The following C11orf68 variants were observed in gnomAD, a reference collection of about 807,000 sequenced individuals.
The protein encoded by C11orf68 is UPF0696 protein C11orf68.
C11orf68 carries 3 observed loss-of-function variants against 4.7 expected under a neutral mutation model. That is an observed-to-expected ratio of 0.64 (90% confidence interval 0.29 to 1.66). The LOEUF (loss-of-function observed/expected upper bound fraction) is 1.66. C11orf68 is among the 40% of genes most tolerant of loss of function. The pLI is 0.10. For missense variants in C11orf68, 422 were observed against 408.0 expected (o/e 1.03, Z -0.30); for synonymous variants, 186 against 167.8 (o/e 1.11, Z -0.84).
At chr11:65,918,445 T>C in intron 1 of C11orf68, 3 of 483,304 alleles carry the variant, frequency 6.2e-6, no homozygotes, top group Non-Finnish European at 1.0e-5. Context: ...TCTCCTTGAC[T>C]TACAGAAAAG....
At chr11:65,918,709 C>A (rs9795434) in intron 1 of C11orf68, among the ~76,000 whole-genome samples, 136,825 of 152,296 alleles carry the variant, frequency 0.9, 62,899 homozygotes, top group East Asian at 1. Flanking sequence ...GGCCCACTTA[C>A]AGACGAGGAC....
chr11:65,917,270 G>A lies in C11orf68; in HGVS notation c.*189C>T. The stretch of plus-strand genomic sequence containing the variant: ...TCCCTCAGGGAACCGGAGCCCCCCA[G>A]CCTGTGGGGCTTGTGTCAGCCCTGA... On this transcript the variant is annotated 3_prime_UTR_variant, in exon 2 of 2. Coordinates refer to ENST00000438576, the MANE Select transcript of C11orf68 (RefSeq NM_001135635.2). 1.4e-6 allele frequency: 1 copy of A among 707,920 alleles called. No homozygotes were observed. The highest frequency in any genetic ancestry group is 2.3e-6 in the Non-Finnish European group (1 of 425,964). The allele number at this position is 707,920 out of a possible 1,614,324, so 43.9% of individuals were successfully genotyped here.
intron 1 of C11orf68, 121 bp from the exon 2 acceptor site, chr11:65,918,339 A>G (rs887869783): frequency 1.7e-6 from 2 of 1,182,068 alleles, no homozygotes; most frequent in Non-Finnish European, 2.3e-6. Flanking sequence ...TCATCTTTAC[A>G]ATGGGATAAC....
In C11orf68 at chr11:65,918,075, G is replaced by T; in HGVS notation, c.266C>A (p.Ala89Asp). 1 of 1,610,948 alleles carries T rather than the reference G, an allele frequency of 6.2e-7. No individual in the cohort carries two copies. Among genetic ancestry groups the T allele is most frequent in the Non-Finnish European group, 8.5e-7 (1 of 1,178,562 alleles). The change falls in exon 2 of 2, where the codon GCC (alanine) becomes GAC (aspartate). Residue 89 changes from alanine to aspartate, a missense_variant. Coordinates refer to ENST00000438576, the MANE Select transcript of C11orf68 (RefSeq NM_001135635.2). ...GGCCAGCCAGGCATCCAGCTCAGTG[G>T]CAGGCGTTGTGCGGGCATCAAACAC... ...WLVFDARTTP[A>D]TELDAWLAKY... is the part of the protein sequence containing the mutation.
Position 65,917,496 on chromosome 11 carries a change from C to T in C11orf68, c.845G>A (p.Arg282Gln), listed in dbSNP as rs867811757. ...CACGTTGTTGGCACGGTCAAGCACT[C>T]GGGAGCCACGGGCACTACCCCCAAG... is the stretch of plus-strand genomic sequence containing the variant. ...FQLGGSARGS[R>Q]VLDRANNVEL... Residue 282 changes from arginine to glutamine, a missense_variant, in exon 2 of 2, where the codon CGA (arginine) becomes CAA (glutamine). By Grantham distance (43) the Arg-to-Gln change is conservative (BLOSUM62 1). Coordinates refer to ENST00000438576, the MANE Select transcript of C11orf68 (RefSeq NM_001135635.2). 6 of 1,613,378 alleles carry T rather than the reference C, an allele frequency of 3.7e-6. No homozygotes were observed. Among genetic ancestry groups the T allele is most frequent in the African/African-American group, 2.7e-5 (2 of 74,888 alleles).
intron 1 of C11orf68, among the ~76,000 whole-genome samples, chr11:65,918,690 G>A (rs1255070791): frequency 6.6e-6 from 1 of 152,226 alleles, no homozygotes; most frequent in Non-Finnish European, 1.5e-5. Context: ...TCCCAGGCAG[G>A]CGTTATCGGG....
In C11orf68 at chr11:65,918,942, G is replaced by A. The variant is rs1312610565; in HGVS notation, c.90C>T (p.Gly30=). The A allele has an allele frequency of 4.0e-6, 5 of 1,245,078 alleles. No homozygotes were observed. Among genetic ancestry groups the A allele is most frequent in the Non-Finnish European group, 1.0e-6 (1 of 984,764 alleles). The allele number at this position is 1,245,078 out of a possible 1,614,324, so 77.1% of individuals were successfully genotyped here. A position where few individuals can be genotyped will look rare whatever the true frequency, so the allele number is the denominator to read the frequency against. The change falls in exon 1 of 2, where the codon GGC becomes GGT. Residue 30 remains glycine (G), a synonymous_variant. Transcript: ENST00000438576. ...EPRQERSRAR[G]WAGVERSEGR... ...CTTCGCTGCGTTCGACGCCGGCCCAGCCCCGGGCCCGGCTCCGCTCCTGCC... is the reference window on the plus strand; with the variant it reads ...CTTCGCTGCGTTCGACGCCGGCCCAACCCCGGGCCCGGCTCCGCTCCTGCC...
At position 65,917,094 on chromosome 11, in the gene C11orf68, G is replaced by C. The variant is rs1246449587; in HGVS notation, c.*365C>G. On this transcript the variant is annotated 3_prime_UTR_variant, in exon 2 of 2. Coordinates refer to ENST00000438576, the MANE Select transcript of C11orf68 (RefSeq NM_001135635.2). ...AAGCACTAAGTTTTCTCTCTCCTGA[G>C]GGGGAAGGAAAGAAGGGGAGATGCA... The C allele has an allele frequency of 4.3e-6, 1 of 231,474 alleles. No homozygotes were observed. Among genetic ancestry groups the C allele is most frequent in the Admixed American group, 5.0e-5 (1 of 19,820 alleles). The allele number at this position is 231,474 out of a possible 1,614,324, so 14.3% of individuals were successfully genotyped here.
rs369807953 is a variant in C11orf68, at chr11:65,917,426, G to A, written c.*33C>T. On this transcript the variant is annotated 3_prime_UTR_variant, in exon 2 of 2. Transcript: ENST00000438576. ...AGGAGGATCCAACCCCAGCATGGAG[G>A]GGGGAGTGGGCAGTCTCCCCAATTT... 3 of 1,570,594 alleles carry A rather than the reference G, an allele frequency of 1.9e-6. No individual in the cohort carries two copies. The highest frequency in any genetic ancestry group is 1.3e-5 in the African/African-American group (1 of 74,112).
At position 65,917,377 on chromosome 11, in the gene C11orf68, C is replaced by T. The variant is rs1000308235; in HGVS notation, c.*82G>A. 5 of 1,507,384 alleles carry T rather than the reference C, an allele frequency of 3.3e-6. No homozygotes were observed. Among genetic ancestry groups the T allele is most frequent in the African/African-American group, 1.4e-5 (1 of 71,818 alleles). 93.4% of individuals were successfully genotyped at this position (1,507,384 alleles called of 1,614,324 possible). On this transcript the variant is annotated 3_prime_UTR_variant, in exon 2 of 2. Transcript: ENST00000438576. ...GAGTCCCCAGAGCTGGGGGGTGTGGCCTTCATAGGACAAGGAGGAAGACAG... is the reference window on the plus strand; with the variant it reads ...GAGTCCCCAGAGCTGGGGGGTGTGGTCTTCATAGGACAAGGAGGAAGACAG...
At chr11:65,918,499 C>A (rs9326361) in intron 1 of C11orf68, 1 of 368,922 alleles carries the variant, frequency 2.7e-6, no homozygotes. Flanking sequence ...GTCACACCTG[C>A]AGTGCGTGGC....
chr11:65,918,662 G>A (rs190464514), intron 1 of C11orf68, among the ~76,000 whole-genome samples: 97 of 152,314 alleles, frequency 6.4e-4, no homozygotes, highest in African/African-American at 2.2e-3. Flanking sequence ...CCCGAGGCCG[G>A]CTCTGTAAGG....
rs377327384 is a variant in C11orf68, at chr11:65,917,448, A to C, written c.*11T>G. ...GAGGGGGGAGTGGGCAGTCTCCCCAATTTGGCCCCCCTAGGTCAGTTCCAC... is the reference window on the plus strand; with the variant it reads ...GAGGGGGGAGTGGGCAGTCTCCCCACTTTGGCCCCCCTAGGTCAGTTCCAC... On this transcript the variant is annotated 3_prime_UTR_variant, in exon 2 of 2. Coordinates refer to ENST00000438576, the MANE Select transcript of C11orf68 (RefSeq NM_001135635.2). 1.3e-6 allele frequency: 2 copies of C among 1,591,396 alleles called. No homozygotes were observed. Among genetic ancestry groups the C allele is most frequent in the Non-Finnish European group, 1.7e-6 (2 of 1,167,230 alleles).
rs758141591 is a variant in C11orf68 at position 65,917,513 on chromosome 11, A to G, written c.828T>C (p.Gly276=). The G allele has an allele frequency of 6.2e-7, 1 of 1,613,768 alleles. No homozygotes were observed. The highest frequency in any genetic ancestry group is 1.1e-5 in the South Asian group (1 of 91,070). The change falls in exon 2 of 2, where the codon GGT becomes GGC. Residue 276 remains glycine, a synonymous_variant. Coordinates refer to ENST00000438576, the MANE Select transcript of C11orf68 (RefSeq NM_001135635.2). ...CAAGCACTCGGGAGCCACGGGCACT[A>G]CCCCCAAGCTGGAAACGGCTCTCAT... The part of the protein sequence containing the change: ...TLYESRFQLG[G]SARGSRVLDR...
At position 65,917,435 on chromosome 11, in the gene C11orf68, G is replaced by A. The variant is rs1345975080; in HGVS notation, c.*24C>T. On this transcript the variant is annotated 3_prime_UTR_variant, in exon 2 of 2. Coordinates refer to ENST00000438576, the MANE Select transcript of C11orf68 (RefSeq NM_001135635.2). ...CAACCCCAGCATGGAGGGGGGAGTGGGCAGTCTCCCCAATTTGGCCCCCCT... is the reference window on the plus strand; with the variant it reads ...CAACCCCAGCATGGAGGGGGGAGTGAGCAGTCTCCCCAATTTGGCCCCCCT... 1 of 1,578,602 alleles carries A rather than the reference G, an allele frequency of 6.3e-7. No individual in the cohort carries two copies.
Position 65,917,950 on chromosome 11 carries a change from T to A in C11orf68, c.391A>T (p.Asn131Tyr), listed in dbSNP as rs1227653343. 6.2e-7 allele frequency: 1 copy of A among 1,607,588 alleles called. No individual in the cohort carries two copies. The highest frequency in any genetic ancestry group is 2.2e-5 in the East Asian group (1 of 44,886). ...TGCAGGCCCTGCACGTCCCCGGAGTTGGGGCTGTAGCCCTGCCCATACACT... is the reference window on the plus strand; with the variant it reads ...TGCAGGCCCTGCACGTCCCCGGAGTAGGGGCTGTAGCCCTGCCCATACACT... ...IAVYGQGYSP[N>Y]SGDVQGLQAA... Residue 131 changes from asparagine to tyrosine, a missense_variant, in exon 2 of 2, where the codon AAC becomes TAC. Transcript: ENST00000438576.
In C11orf68 at chr11:65,917,436, G is replaced by A. The variant is rs745434569; in HGVS notation, c.*23C>T. The A allele has an allele frequency of 3.2e-6, 5 of 1,578,964 alleles. No individual in the cohort carries two copies. Among genetic ancestry groups the A allele is most frequent in the Non-Finnish European group, 4.3e-6 (5 of 1,161,130 alleles). Reference sequence around the variant, plus strand: ...AACCCCAGCATGGAGGGGGGAGTGGGCAGTCTCCCCAATTTGGCCCCCCTA... The same window carrying A: ...AACCCCAGCATGGAGGGGGGAGTGGACAGTCTCCCCAATTTGGCCCCCCTA... On this transcript the variant is annotated 3_prime_UTR_variant, in exon 2 of 2. Coordinates refer to ENST00000438576, the MANE Select transcript of C11orf68 (RefSeq NM_001135635.2).
In C11orf68 at chr11:65,917,124, G is replaced by C; in HGVS notation, c.*335C>G. The stretch of plus-strand genomic sequence containing the variant: ...AAGGAAAGAAGGGGAGATGCAGGAG[G>C]AAGGGGAGGTATAGCGGGGGATGAG... On this transcript the variant is annotated 3_prime_UTR_variant, in exon 2 of 2. Transcript: ENST00000438576. 3.6e-6 allele frequency: 1 copy of C among 276,388 alleles called. No homozygotes were observed. Among genetic ancestry groups the C allele is most frequent in the Non-Finnish European group, 6.9e-6 (1 of 144,866 alleles). 17.1% of individuals were successfully genotyped at this position (276,388 alleles called of 1,614,324 possible).
chr11:65,917,731 G>C lies in C11orf68; in HGVS notation c.610C>G (p.Pro204Ala), dbSNP rs776555049. The part of the protein sequence containing the change: ...EGQLQVAKVS[P>A]RAKEGGRQVI... ...TGGCGCCCACCCTCCTTGGCACGTG[G>C]GCTCACCTTGGCCACCTGAAGCTGG... The change falls in exon 2 of 2, where the codon CCA (proline) becomes GCA (alanine). Residue 204 changes from proline (P) to alanine (A), a missense_variant. By Grantham distance (27) the Pro-to-Ala change is conservative. Transcript: ENST00000438576. 3.7e-6 allele frequency: 6 copies of C among 1,613,532 alleles called. No homozygotes were observed. The highest frequency in any genetic ancestry group is 5.1e-6 in the Non-Finnish European group (6 of 1,180,026).
Sources: allele counts gnomAD v4.1 joint callset (sites outside exome capture counted in the v4.1 genomes callset), GRCh38; gene constraint gnomAD v4.1.1; transcripts MANE v1.5; gene names NCBI Gene and HGNC (gene_info 2026-07-23, HGNC 2026-07-21).